OR2L13: variants seen among roughly 807,000 people sequenced by gnomAD.
OR2L13 encodes olfactory receptor family 2 subfamily L member 13, also known as olfactory receptor 2L13.
Under a neutral mutation model 15.3 loss-of-function variants are expected in OR2L13, and 14 were observed. The observed-to-expected ratio is 0.91, with a 90% CI of 0.60 to 1.43. The LOEUF (loss-of-function observed/expected upper bound fraction) is 1.43, where lower values mean the gene tolerates loss of function less well. Among genes scored for constraint, OR2L13 ranks in the 40% most tolerant of loss-of-function variants. The pLI is 0.00. For missense variants in OR2L13, 367 were observed against 387.9 expected, an observed-to-expected ratio of 0.95 and a Z score of 0.45; for synonymous variants, 152 against 142.9, an observed-to-expected ratio of 1.06 and a Z score of -0.45.
At chr1:248,029,454 A>G in the OR2L13 span, among the ~76,000 whole-genome samples, 1 of 152,058 alleles carries the variant, frequency 6.6e-6, no homozygotes, top group African/African-American at 2.4e-5. Flanking sequence ...ATTTAATTAA[A>G]TTACTATTTT....
the OR2L13 span, chr1:248,003,703 C>G: frequency 1.3e-5 from 21 of 1,613,156 alleles, no homozygotes; most frequent in Non-Finnish European, 1.8e-5. Flanking sequence ...GCATGGACAC[C>G]TGGGTCTATG....
chr1:248,028,547 T>A, the OR2L13 span, among the ~76,000 whole-genome samples: 1 of 152,206 alleles, frequency 6.6e-6, no homozygotes, highest in East Asian at 1.9e-4. Context: ...CATGGAAAAA[T>A]GTAAAATAAG....
chr1:248,039,485 A>G, the OR2L13 span: 1 of 235,098 alleles, frequency 4.3e-6, no homozygotes. Flanking sequence ...CAATGGCGCA[A>G]TCTCAGCTCC....
chr1:247,986,427 T>C, the OR2L13 span, among the ~76,000 whole-genome samples: 2 of 152,210 alleles, frequency 1.3e-5, no homozygotes. Context: ...GTTGTAGATA[T>C]GCGGCATTAT....
the OR2L13 span, among the ~76,000 whole-genome samples, chr1:248,070,741 A>G: frequency 6.6e-6 from 1 of 152,160 alleles, no homozygotes; most frequent in Non-Finnish European, 1.5e-5. Flanking sequence ...AGACTAATAA[A>G]GAAGAAAAGA....
the OR2L13 span, among the ~76,000 whole-genome samples, chr1:247,957,155 C>G: frequency 9.2e-5 from 11 of 119,806 alleles, no homozygotes; most frequent in African/African-American, 2.9e-4. Context: ...TTAGCATGAA[C>G]GTTGTTGAAT....
At chr1:247,989,522 G>GT in the OR2L13 span, among the ~76,000 whole-genome samples, 1 of 151,976 alleles carries the variant, frequency 6.6e-6, no homozygotes, top group African/African-American at 2.4e-5. Flanking sequence ...TAAGAGAAAT[G>GT]TTTTTTCCTA....
upstream of OR2L13, among the ~76,000 whole-genome samples, chr1:248,095,607 C>CTTTTTTTTGTTTTTTTT (rs1664716313): frequency 2.7e-5 from 1 of 37,294 alleles, no homozygotes; most frequent in Non-Finnish European, 5.4e-5. Flanking sequence ...AAAGCTGCTG[C>CTTTTTTTTGTTTTTTTT]TTTTTTTTTT....
chr1:248,028,622 T>G, the OR2L13 span, among the ~76,000 whole-genome samples: 2 of 152,222 alleles, frequency 1.3e-5, no homozygotes, highest in Non-Finnish European at 2.9e-5. Context: ...AGTTGTGGCC[T>G]ACGATCTGCT....
upstream of OR2L13, among the ~76,000 whole-genome samples, chr1:248,096,572 A>G (rs1664746812): frequency 6.6e-6 from 1 of 152,190 alleles, no homozygotes; most frequent in African/African-American, 2.4e-5. Context: ...CTAAGGACCT[A>G]CTATGTGCTG....
the OR2L13 span, among the ~76,000 whole-genome samples, chr1:248,026,775 A>G: frequency 3.3e-5 from 5 of 152,120 alleles, no homozygotes; most frequent in Admixed American, 6.5e-5. Context: ...CACTTCCCCA[A>G]TCAATACGCT....
the OR2L13 span, among the ~76,000 whole-genome samples, chr1:247,945,650 A>G: frequency 6.6e-6 from 1 of 152,178 alleles, no homozygotes; most frequent in Non-Finnish European, 1.5e-5. Flanking sequence ...GTATGTGTCT[A>G]GGAACTTGTT....
chr1:247,993,793 G>GAA, the OR2L13 span, among the ~76,000 whole-genome samples: 1 of 136,502 alleles, frequency 7.3e-6, no homozygotes, highest in East Asian at 2.0e-4. Flanking sequence ...GAGAGAGAGA[G>GAA]AGAGAGAGAG....
upstream of OR2L13, chr1:248,095,205 C>G (rs182918487): frequency 1.1e-4 from 17 of 152,302 alleles, no homozygotes; most frequent in East Asian, 3.1e-3. Flanking sequence ...AATGGTGGAA[C>G]CTGAGAGACT....
the OR2L13 span, among the ~76,000 whole-genome samples, chr1:248,007,009 T>G: frequency 6.6e-6 from 1 of 152,128 alleles, no homozygotes; most frequent in Non-Finnish European, 1.5e-5. Context: ...TTATTTATTA[T>G]TATTGGAAAG....
chr1:247,967,554 A>G, the OR2L13 span, among the ~76,000 whole-genome samples: 2 of 152,296 alleles, frequency 1.3e-5, no homozygotes, highest in South Asian at 4.1e-4. Flanking sequence ...TACAAAATTA[A>G]TATATCAAAT....
the OR2L13 span, among the ~76,000 whole-genome samples, chr1:247,988,579 T>C: frequency 6.6e-6 from 1 of 152,210 alleles, no homozygotes; most frequent in East Asian, 1.9e-4. Flanking sequence ...TGTGTATAGA[T>C]GTGTGTTTGC....
upstream of OR2L13, among the ~76,000 whole-genome samples, chr1:248,097,065 T>C (rs1664756598): frequency 6.6e-6 from 1 of 152,168 alleles, no homozygotes; most frequent in Non-Finnish European, 1.5e-5. Flanking sequence ...CAATCACTGA[T>C]CAATGTTGTT....
the OR2L13 span, chr1:247,948,769 C>T: frequency 8.4e-6 from 9 of 1,070,868 alleles, no homozygotes; most frequent in Non-Finnish European, 1.2e-5. Flanking sequence ...ACTGGGGGGG[C>T]TTGGAATGCA....
Sources: allele counts gnomAD v4.1 joint callset (sites outside exome capture counted in the v4.1 genomes callset), GRCh38; gene constraint gnomAD v4.1.1; transcripts MANE v1.5; gene names NCBI Gene and HGNC (gene_info 2026-07-23, HGNC 2026-07-21).